KLHL11: variants seen among roughly 807,000 people sequenced by gnomAD.
The protein encoded by KLHL11 is kelch-like protein 11.
A neutral mutation model predicts 56.1 loss-of-function variants in KLHL11; 26 were observed. The ratio of observed to expected loss-of-function variants is 0.46; its 90% CI spans 0.34 to 0.64. The LOEUF is 0.64. KLHL11 is among the 30% of genes least tolerant of loss of function. The pLI is 0.01. For missense variants in KLHL11, 627 were observed against 919.4 expected (o/e 0.68, Z 4.11); for synonymous variants, 338 against 345.8 (o/e 0.98, Z 0.25).
intron 1 of KLHL11, among the ~76,000 whole-genome samples, chr17:41,856,609 C>A (rs7223890): frequency 6.6e-6 from 1 of 152,118 alleles, no homozygotes; most frequent in Non-Finnish European, 1.5e-5. Flanking sequence ...AGCACATATA[C>A]GCTGGGCATG....
At chr17:41,858,473 C>A (rs2048382313) in intron 1 of KLHL11, among the ~76,000 whole-genome samples, 1 of 150,860 alleles carries the variant, frequency 6.6e-6, no homozygotes, top group African/African-American at 2.4e-5. Context: ...GCTCTTATTG[C>A]CCAGGCTGGA....
rs908918170 is a variant in KLHL11 at position 41,852,663 on chromosome 17, T to C, written c.*1077A>G. ...AAAATTAGCCAGGCGTGATGGTGGG[T>C]ACCTGTAATCCCAGCTACTCGGGAT... On this transcript the variant is annotated 3_prime_UTR_variant, in exon 2 of 2. Coordinates refer to ENST00000319121, the MANE Select transcript of KLHL11 (RefSeq NM_018143.3). Among the ~76,000 whole-genome samples, 1 of 151,008 alleles carries C rather than the reference T, an allele frequency of 6.6e-6. No individual in the cohort carries two copies. Among genetic ancestry groups the C allele is most frequent in the Non-Finnish European group, 1.5e-5 (1 of 67,888 alleles).
Position 41,853,784 on chromosome 17 carries a change from C to A in KLHL11, c.2083G>T (p.Ala695Ser), listed in dbSNP as rs782451769. 8 of 1,613,906 alleles carry A rather than the reference C, an allele frequency of 5.0e-6. No homozygotes were observed. The East Asian group carries it at 6.7e-5, about 13-fold the overall frequency. ...IRQMQEIHRH[A>S]LNMRRVPSSQ... ...CTTGGCACTCGCCTCATGTTCAGGG[C>A]GTGACGATGTATCTCTTGCATCTGT... The change falls in exon 2 of 2, where the codon GCC becomes TCC. Residue 695 changes from alanine (A) to serine (S), a missense_variant. Around this residue, in one of 4 missense-constraint regions of KLHL11, gnomAD observed 250 missense variants for 360.6 expected, o/e 0.69. Transcript: ENST00000319121.
At position 41,851,660 on chromosome 17, in the gene KLHL11, C is replaced by T. The variant is rs2048332864; in HGVS notation, c.*2080G>A. On this transcript the variant is annotated 3_prime_UTR_variant, in exon 2 of 2. Coordinates refer to ENST00000319121, the MANE Select transcript of KLHL11 (RefSeq NM_018143.3). Reference sequence around the variant, plus strand: ...TGGTGGCTCACACCTAATCCTAGCACCCTGGGAGGCTGATACGGGTGGATC... The same window carrying T: ...TGGTGGCTCACACCTAATCCTAGCATCCTGGGAGGCTGATACGGGTGGATC... Among the ~76,000 whole-genome samples, 1 of 151,776 alleles carries T rather than the reference C, an allele frequency of 6.6e-6. No homozygotes were observed. The highest frequency in any genetic ancestry group is 2.4e-5 in the African/African-American group (1 of 41,302).
chr17:41,858,410 TG>T (rs1450595847), intron 1 of KLHL11, among the ~76,000 whole-genome samples: 9,461 of 61,708 alleles, frequency 0.15, 431 homozygotes, highest in Middle Eastern at 0.24. Flanking sequence ...ATATATTTTT[TG>T]TTGTTGTTGT....
chr17:41,864,840 C>T lies in KLHL11; in HGVS notation c.531G>A (p.Leu177=). The T allele has an allele frequency of 6.5e-7, 1 of 1,535,474 alleles. No homozygotes were observed. The highest frequency in any genetic ancestry group is 8.8e-7 in the Non-Finnish European group (1 of 1,137,184). ...RVSTGSVHEV[L]ELADRFLLIR... is the part of the protein sequence containing the mutation. Reference sequence around the variant, plus strand: ...CCCTCGCCTACCTGTCGGCCAACTCCAGCACCTCGTGCACGCTGCCCGTGC... The same window carrying T: ...CCCTCGCCTACCTGTCGGCCAACTCTAGCACCTCGTGCACGCTGCCCGTGC... Residue 177 remains leucine, a synonymous_variant, in exon 1 of 2, where the codon CTG becomes CTA. Coordinates refer to ENST00000319121, the MANE Select transcript of KLHL11 (RefSeq NM_018143.3).
chr17:41,863,994 C>T (rs181764835), intron 1 of KLHL11, among the ~76,000 whole-genome samples: 52 of 152,296 alleles, frequency 3.4e-4, no homozygotes, highest in Non-Finnish European at 5.4e-4. Context: ...AACCTAAGTG[C>T]GATAAGGAAA....
At chr17:41,856,511 C>T (rs1555622573) in intron 1 of KLHL11, among the ~76,000 whole-genome samples, 1 of 152,016 alleles carries the variant, frequency 6.6e-6, no homozygotes, top group Non-Finnish European at 1.5e-5. Context: ...ACTTTACACA[C>T]AAAATCTGAA....
chr17:41,859,480 G>A (rs1013097725), intron 1 of KLHL11, among the ~76,000 whole-genome samples: 1 of 152,042 alleles, frequency 6.6e-6, no homozygotes, highest in Non-Finnish European at 1.5e-5. Context: ...CAGGAGAATC[G>A]CTTGAACCCG....
At chr17:41,861,965 T>G (rs1555623081) in intron 1 of KLHL11, among the ~76,000 whole-genome samples, 2 of 152,218 alleles carry the variant, frequency 1.3e-5, no homozygotes, top group African/African-American at 4.8e-5. Context: ...GCTTAACAGC[T>G]CTTGTCAATG....
Position 41,865,382 on chromosome 17 carries a change from T to G in KLHL11, c.-12A>C, listed in dbSNP as rs1369376187. ...GCCGCAGCCGCCATCTTGACGCCGC[T>G]GCGCCCGGCCTCCACAGCCTCGGAA... On this transcript the variant is annotated 5_prime_UTR_variant, in exon 1 of 2. Coordinates refer to ENST00000319121, the MANE Select transcript of KLHL11 (RefSeq NM_018143.3). The G allele has an allele frequency of 1.4e-6, 2 of 1,388,440 alleles. No homozygotes were observed. The highest frequency in any genetic ancestry group is 3.1e-5 in the Admixed American group (1 of 31,788). 86.0% of individuals were successfully genotyped at this position (1,388,440 alleles called of 1,614,324 possible). A position where few individuals can be genotyped will look rare whatever the true frequency, so the allele number is the denominator to read the frequency against.
rs1198342259 is a variant in KLHL11, at chr17:41,858,319, A to T, written c.546-2998T>A. On this transcript the variant is annotated intron_variant, in intron 1 of 1. Coordinates refer to ENST00000319121, the MANE Select transcript of KLHL11 (RefSeq NM_018143.3). ...ATGGCTCACTGCAGCCTCGACCTCT[A>T]GGGCTCAAGTGATTCCCCCACCTTA... Among the ~76,000 whole-genome samples the T allele has an allele frequency of 2.8e-4, 40 of 142,268 alleles. 1 individual carries two copies. Among genetic ancestry groups the T allele is most frequent in the Non-Finnish European group, 4.5e-5 (3 of 66,680 alleles). The allele number at this position is 142,268 out of a possible 152,430, so 93.3% of individuals were successfully genotyped here.
Position 41,865,211 on chromosome 17 carries a change from T to A in KLHL11, c.160A>T (p.Ile54Phe). The A allele has an allele frequency of 6.2e-7, 1 of 1,605,392 alleles. No individual in the cohort carries two copies. The highest frequency in any genetic ancestry group is 1.1e-5 in the South Asian group (1 of 89,918). The change falls in exon 1 of 2, where the codon ATC becomes TTC. Residue 54 changes from isoleucine (I) to phenylalanine (F), a missense_variant. This residue lies in a region of KLHL11 where 121 missense variants were observed against 116.2 expected (regional missense o/e 1.04). Coordinates refer to ENST00000319121, the MANE Select transcript of KLHL11 (RefSeq NM_018143.3). ...GTVDFGPGPG[I>F]SAMEASGGDP... ...CCCCCGCTCGCCTCCATTGCAGAGA[T>A]CCCCGGCCCAGGCCCGAAGTCCACC...
At chr17:41,860,530 T>G (rs1223862152) in intron 1 of KLHL11, among the ~76,000 whole-genome samples, 1 of 151,662 alleles carries the variant, frequency 6.6e-6, no homozygotes, top group Admixed American at 6.6e-5. Context: ...AAGTTAAGAG[T>G]TTTTAGTAAA....
In KLHL11 at chr17:41,855,218, G is replaced by A; in HGVS notation, c.649C>T (p.Leu217=). The change falls in exon 2 of 2, where the codon CTG becomes TTG. Residue 217 remains leucine, a synonymous_variant. Transcript: ENST00000319121. ...GCAGCCTTCAGAGCAAGTTGGCTCAGGGTGTACATGTGTGCTAAGCTATGA... is the reference window on the plus strand; with the variant it reads ...GCAGCCTTCAGAGCAAGTTGGCTCAAGGTGTACATGTGTGCTAAGCTATGA... ...AIHSLAHMYT[L]SQLALKAADM... is the part of the protein sequence containing the mutation. 1 of 1,613,996 alleles carries A rather than the reference G, an allele frequency of 6.2e-7. No homozygotes were observed. The highest frequency in any genetic ancestry group is 1.1e-5 in the South Asian group (1 of 91,078).
intron 1 of KLHL11, among the ~76,000 whole-genome samples, chr17:41,863,271 A>C (rs1555623221): frequency 1.3e-5 from 2 of 150,210 alleles, no homozygotes; most frequent in Non-Finnish European, 3.0e-5. Flanking sequence ...GCTTACTGCA[A>C]CCTCAGCCTC....
In KLHL11 at chr17:41,853,966, T is replaced by C; in HGVS notation, c.1901A>G (p.Tyr634Cys). ...CATCCACCTCTTCCTCTCCGCACAA[T>C]ATCGGTAGGCTTCTTTCCGATACTG... The part of the protein sequence containing the change: ...DKQYRKEAYR[Y>C]CAERKRWMLL... The change falls in exon 2 of 2, where the codon TAT (tyrosine) becomes TGT (cysteine). Residue 634 changes from tyrosine (Y) to cysteine (C), a missense_variant. Transcript: ENST00000319121. 6.2e-7 allele frequency: 1 copy of C among 1,614,192 alleles called. No individual in the cohort carries two copies. The highest frequency in any genetic ancestry group is 2.2e-5 in the East Asian group (1 of 44,882).
intron 1 of KLHL11, among the ~76,000 whole-genome samples, chr17:41,860,571 C>T (rs925906630): frequency 1.5e-4 from 23 of 152,220 alleles, no homozygotes; most frequent in Middle Eastern, 3.4e-3. Flanking sequence ...TCTCCTCTAA[C>T]TCCCCAATAG....
Position 41,853,626 on chromosome 17 carries a change from A to G in KLHL11, c.*114T>C, listed in dbSNP as rs2048344103. 1 of 1,235,484 alleles carries G rather than the reference A, an allele frequency of 8.1e-7. No individual in the cohort carries two copies. The highest frequency in any genetic ancestry group is 2.4e-5 in the Admixed American group (1 of 41,344). 76.5% of individuals were successfully genotyped at this position (1,235,484 alleles called of 1,614,324 possible). ...AACTCTATTTCCTTTATATGGGGTA[A>G]TAATCAGTTCATGTAGAAAATAAGT... On this transcript the variant is annotated 3_prime_UTR_variant, in exon 2 of 2. Transcript: ENST00000319121.
Sources: gnomAD v4.1 joint callset for allele counts (sites outside exome capture counted in the v4.1 genomes callset) on GRCh38, gnomAD v4.1.1 for gene constraint, gnomAD v4.1.1 regional missense constraint, MANE v1.5 for transcripts, NCBI Gene and HGNC (gene_info 2026-07-23, HGNC 2026-07-21) for gene names.